Variants in PTPDC1 observed in about 807,000 individuals in gnomAD.
The protein encoded by PTPDC1 is protein tyrosine phosphatase domain containing 1.
In PTPDC1, 53 loss-of-function variants were observed where a neutral mutation model predicts 75.3. The ratio of observed to expected loss-of-function variants is 0.70; its 90% CI spans 0.56 to 0.88. PTPDC1 has a LOEUF of 0.88. PTPDC1 is among the 40% of genes least tolerant of loss of function. The probability of loss-of-function intolerance (pLI) is 0.00; values close to 1 mark genes in which losing one functional copy is unlikely to be tolerated. For missense variants in PTPDC1, 925 were observed against 998.6 expected (o/e 0.93, Z 0.99); for synonymous variants, 349 against 366.2 (o/e 0.95, Z 0.54).
intron 7 of PTPDC1, 40 bp downstream of exon 7, chr9:94,101,791 G>T (rs371915116): frequency 1.6e-6 from 2 of 1,223,852 alleles, no homozygotes; most frequent in Non-Finnish European, 2.2e-6. Context: ...TGTAACTGAG[G>T]CCCTTAGTTT....
At chr9:94,071,643 A>G (rs1159266587) in intron 2 of PTPDC1, among the ~76,000 whole-genome samples, 1 of 152,168 alleles carries the variant, frequency 6.6e-6, no homozygotes, top group African/African-American at 2.4e-5. Flanking sequence ...CCATCCACCA[A>G]TACCACCCTG....
intron 1 of PTPDC1, among the ~76,000 whole-genome samples, chr9:94,031,723 C>T (rs1829731711): frequency 6.6e-6 from 1 of 152,072 alleles, no homozygotes; most frequent in Non-Finnish European, 1.5e-5. Context: ...ATACCTATGT[C>T]ATTGAAATTT....
chr9:94,042,616 G>C lies in PTPDC1; in HGVS notation c.-7+11489G>C, dbSNP rs1192145262. On this transcript the variant is annotated intron_variant, in intron 1 of 9. Coordinates refer to the PTPDC1 transcript ENST00000375360. ...GTAATCTGTTTTGGTTTAGGGTCTT[G>C]CCTCAGTGGTGATGGCTGCTGACTG... Among the ~76,000 whole-genome samples, 3 of 152,212 alleles carry C rather than the reference G, an allele frequency of 2.0e-5. No individual in the cohort carries two copies. In the East Asian group the frequency reaches 5.8e-4, roughly 29 times the overall value.
chr9:94,088,915 C>G (rs1176609527), intron 4 of PTPDC1, among the ~76,000 whole-genome samples: 2 of 152,218 alleles, frequency 1.3e-5, no homozygotes, highest in Admixed American at 1.3e-4. Flanking sequence ...ACACATTTCC[C>G]TGCTTAAACA....
chr9:94,089,224 C>A (rs1827193140), intron 4 of PTPDC1, among the ~76,000 whole-genome samples: 2 of 111,376 alleles, frequency 1.8e-5, no homozygotes, highest in African/African-American at 3.5e-5. Flanking sequence ...TGCTATCCCT[C>A]CCCCCTCCCC....
chr9:94,079,936 G>A (rs1243237190), upstream of PTPDC1, among the ~76,000 whole-genome samples: 1 of 152,218 alleles, frequency 6.6e-6, no homozygotes, highest in Non-Finnish European at 1.5e-5. Flanking sequence ...AGGGTGAGGA[G>A]GAAATCCATA....
chr9:94,057,613 A>G (rs975709181), intron 1 of PTPDC1, among the ~76,000 whole-genome samples: 1 of 152,222 alleles, frequency 6.6e-6, no homozygotes, highest in Non-Finnish European at 1.5e-5. Flanking sequence ...CAACAACCAA[A>G]AAGAGTAAAT....
chr9:94,085,441 C>T lies in PTPDC1; in HGVS notation c.416+19C>T, dbSNP rs1205110591. On this transcript the variant is annotated intron_variant, in intron 2 of 8. Transcript: ENST00000620992. ...CATCCTGGTGAGTGATCCTGTTGGT[C>T]TTTCATAGCTCTGTTGGATACAGGA... 2 of 1,613,210 alleles carry T rather than the reference C, an allele frequency of 1.2e-6. No homozygotes were observed. The highest frequency in any genetic ancestry group is 3.3e-5 in the Admixed American group (2 of 59,970).
chr9:94,083,602 G>A (rs1826964450), upstream of PTPDC1, among the ~76,000 whole-genome samples: 1 of 152,222 alleles, frequency 6.6e-6, no homozygotes, highest in Admixed American at 6.5e-5. Flanking sequence ...GGCGGACAAT[G>A]AGTACATTAG....
intron 2 of PTPDC1, among the ~76,000 whole-genome samples, chr9:94,068,520 ACTGG>A (rs1343451965): frequency 6.6e-6 from 1 of 152,154 alleles, no homozygotes; most frequent in Non-Finnish European, 1.5e-5. Flanking sequence ...TTGCCCCGTC[ACTGG>A]TTATGTTTAG....
intron 4 of PTPDC1, among the ~76,000 whole-genome samples, chr9:94,092,978 C>G (rs558934974): frequency 6.6e-6 from 1 of 150,980 alleles, no homozygotes; most frequent in Non-Finnish European, 1.5e-5. Context: ...CTCTATGTGT[C>G]TCTGCACGTG....
chr9:94,099,203 G>A (rs1240371102), intron 6 of PTPDC1, among the ~76,000 whole-genome samples: 2 of 152,318 alleles, frequency 1.3e-5, no homozygotes, highest in South Asian at 2.1e-4. Flanking sequence ...CAATTAGAAT[G>A]TAAATGTTTA....
intron 1 of PTPDC1, among the ~76,000 whole-genome samples, chr9:94,062,143 C>CAAGT (rs1826162724): frequency 1.3e-5 from 2 of 152,144 alleles, no homozygotes; most frequent in South Asian, 4.1e-4. Flanking sequence ...CCACTAGATA[C>CAAGT]CCTAAATTCT....
chr9:94,103,515 G>A (rs1827915871), intron 7 of PTPDC1, among the ~76,000 whole-genome samples: 1 of 152,142 alleles, frequency 6.6e-6, no homozygotes. Context: ...AATTCACCTA[G>A]GGCATTTATA....
intron 5 of PTPDC1, among the ~76,000 whole-genome samples, 161 bp from the exon 6 acceptor site, chr9:94,097,160 C>T (rs1472585314): frequency 6.6e-6 from 1 of 152,118 alleles, no homozygotes; most frequent in African/African-American, 2.4e-5. Context: ...AACACCTCTA[C>T]AAAAAGTCAC....
Position 94,061,661 on chromosome 9 carries a change from C to T in PTPDC1, c.-6-3073C>T, listed in dbSNP as rs117703709. Among the ~76,000 whole-genome samples the T allele has an allele frequency of 5.8e-3, 888 of 152,358 alleles. 3 individuals are homozygous for T. Among genetic ancestry groups the T allele is most frequent in the Non-Finnish European group, 7.1e-3 (482 of 68,034 alleles). On this transcript the variant is annotated intron_variant, in intron 1 of 9. Coordinates refer to the PTPDC1 transcript ENST00000375360. Reference sequence around the variant, plus strand: ...ACCACATGGGAGACACCAAGGCTTACGGCCTGCACCTTCTTAAGCAGTGTC... The same window carrying T: ...ACCACATGGGAGACACCAAGGCTTATGGCCTGCACCTTCTTAAGCAGTGTC...
intron 1 of PTPDC1, among the ~76,000 whole-genome samples, chr9:94,046,689 C>A (rs970551261): frequency 6.6e-6 from 1 of 152,082 alleles, no homozygotes; most frequent in Non-Finnish European, 1.5e-5. Context: ...TTTTACACAT[C>A]GATTTTGTAT....
intron 4 of PTPDC1, among the ~76,000 whole-genome samples, chr9:94,089,023 G>C (rs1827179316): frequency 6.7e-6 from 1 of 149,448 alleles, no homozygotes; most frequent in East Asian, 2.0e-4. Context: ...TTCTGGCTGA[G>C]TTTCTGCAGG....
At chr9:94,062,895 A>G (rs113003409) in intron 1 of PTPDC1, among the ~76,000 whole-genome samples, 1 of 152,224 alleles carries the variant, frequency 6.6e-6, no homozygotes, top group African/African-American at 2.4e-5. Context: ...TCAGTCTAAT[A>G]TGGTCCATTT....
Sources: gnomAD v4.1 joint callset for allele counts (sites outside exome capture counted in the v4.1 genomes callset) on GRCh38, gnomAD v4.1.1 for gene constraint, MANE v1.5 for transcripts, NCBI Gene and HGNC (gene_info 2026-07-23, HGNC 2026-07-21) for gene names.